The following IQCK variants were observed in gnomAD, a reference collection of about 807,000 sequenced individuals.
IQCK encodes the protein IQ motif containing K, also known as IQ domain-containing protein K.
Under a neutral mutation model 28.1 loss-of-function variants are expected in IQCK, and 29 were observed. The observed-to-expected ratio is 1.03, with a 90% CI of 0.77 to 1.41. The LOEUF is 1.41. Ranked by LOEUF, IQCK falls within the 40% of genes most tolerant of loss-of-function variation. The pLI is 0.00. For synonymous variants in IQCK, 113 were observed against 115.1 expected (o/e 0.98, Z 0.12); for missense variants, 359 against 314.7 (o/e 1.14, Z -1.07).
At chr16:19,856,349 C>T (rs2056561521) in intron 9 of IQCK, 138 bp from the exon 9 acceptor site, 1 of 669,388 alleles carries the variant, frequency 1.5e-6, no homozygotes, top group South Asian at 1.9e-5. Context: ...ATCCATGGGG[C>T]CGGAACCATG....
At chr16:19,740,454 A>G (rs1021427009) in intron 4 of IQCK, among the ~76,000 whole-genome samples, 6 of 152,122 alleles carry the variant, frequency 3.9e-5, no homozygotes, top group African/African-American at 1.4e-4. Context: ...GCCTGGCCAC[A>G]CCATTGTCAG....
intron 6 of IQCK, among the ~76,000 whole-genome samples, chr16:19,785,067 C>T (rs536318059): frequency 6.6e-6 from 1 of 152,174 alleles, no homozygotes; most frequent in Non-Finnish European, 1.5e-5. Flanking sequence ...CACGGCGCCC[C>T]GCCTCAATAA....
At chr16:19,777,920 G>C (rs1252503018) in intron 6 of IQCK, among the ~76,000 whole-genome samples, 1 of 152,140 alleles carries the variant, frequency 6.6e-6, no homozygotes, top group African/African-American at 2.4e-5. Context: ...GGGCGTGGTG[G>C]TGCACACCTG....
chr16:19,718,696 C>T (rs1309950060), intron 1 of IQCK, among the ~76,000 whole-genome samples: 1 of 152,178 alleles, frequency 6.6e-6, no homozygotes, highest in Non-Finnish European at 1.5e-5. Context: ...CAATCGCGAT[C>T]CGTAGTGAGG....
At chr16:19,742,270 A>G (rs1056852104) in intron 4 of IQCK, among the ~76,000 whole-genome samples, 9 of 152,232 alleles carry the variant, frequency 5.9e-5, no homozygotes, top group Admixed American at 3.3e-4. Context: ...TTTGAATGCT[A>G]CAAATACGCA....
chr16:19,825,295 T>C lies in IQCK; in HGVS notation c.691-1731T>C, dbSNP rs1426342574. ...CAGCCCTTTGGGAGGCCAAGGCGGA[T>C]GGTTCACTTGAGGTCAGGAGTTCGA... On this transcript the variant is annotated intron_variant, in intron 7 of 7. Transcript: ENST00000564186. The surrounding 1 kb of genome is among the most constrained non-coding windows in gnomAD (Gnocchi z 4.2). 1.3e-5 allele frequency among the ~76,000 whole-genome samples: 2 copies of C among 151,792 alleles called. No individual in the cohort carries two copies. The highest frequency in any genetic ancestry group is 3.9e-4 in the East Asian group (2 of 5,144).
At chr16:19,774,104 A>G (rs2055355139) in intron 6 of IQCK, among the ~76,000 whole-genome samples, 1 of 152,160 alleles carries the variant, frequency 6.6e-6, no homozygotes, top group South Asian at 2.1e-4. Context: ...AAGTGTAGGA[A>G]TGTTCTAGAA....
chr16:19,811,140 C>T (rs1479823610), intron 7 of IQCK, among the ~76,000 whole-genome samples: 1 of 152,060 alleles, frequency 6.6e-6, no homozygotes, highest in Non-Finnish European at 1.5e-5. Context: ...AAAAATCAGC[C>T]AGGTGTAGTG....
chr16:19,833,476 A>G (rs2056258264), intron 9 of IQCK, among the ~76,000 whole-genome samples: 1 of 152,236 alleles, frequency 6.6e-6, no homozygotes, highest in Non-Finnish European at 1.5e-5. Flanking sequence ...TACGATTATT[A>G]ATGATTTATT....
chr16:19,811,328 T>C (rs956231655), intron 7 of IQCK, among the ~76,000 whole-genome samples: 1 of 152,204 alleles, frequency 6.6e-6, no homozygotes, highest in Non-Finnish European at 1.5e-5. Flanking sequence ...AACTTTGCTG[T>C]AGTTTAACCC....
chr16:19,779,067 C>T (rs1460696504), intron 6 of IQCK, among the ~76,000 whole-genome samples: 3 of 152,128 alleles, frequency 2.0e-5, no homozygotes, highest in Non-Finnish European at 2.9e-5. Context: ...ACTGCAGCCT[C>T]GAACTCCTGC....
intron 7 of IQCK, among the ~76,000 whole-genome samples, chr16:19,798,175 T>C (rs2055712720): frequency 1.7e-5 from 1 of 57,666 alleles, no homozygotes; most frequent in Non-Finnish European, 2.5e-5. Flanking sequence ...CCCAACACTT[T>C]GGGAGGCTGA....
At chr16:19,846,176 C>T (rs2056413634) in intron 9 of IQCK, among the ~76,000 whole-genome samples, 1 of 152,196 alleles carries the variant, frequency 6.6e-6, no homozygotes, top group Admixed American at 6.5e-5. Context: ...GTCTTCCTAT[C>T]CTCCTTTTAT....
chr16:19,769,458 G>A (rs2055288120), intron 6 of IQCK, among the ~76,000 whole-genome samples: 1 of 152,138 alleles, frequency 6.6e-6, no homozygotes, highest in South Asian at 2.1e-4. Context: ...CTTACTAAAT[G>A]GTGAGTAGTG....
At chr16:19,726,736 G>A (rs963746350) in intron 1 of IQCK, among the ~76,000 whole-genome samples, 3 of 152,150 alleles carry the variant, frequency 2.0e-5, no homozygotes, top group Admixed American at 6.6e-5. Context: ...GGTTGGTTCT[G>A]TTCATCCATT....
intron 6 of IQCK, among the ~76,000 whole-genome samples, chr16:19,777,564 C>A (rs2055412386): frequency 6.6e-6 from 1 of 152,106 alleles, no homozygotes; most frequent in South Asian, 2.1e-4. Flanking sequence ...ATCGTCTTTG[C>A]TTTTTATATT....
chr16:19,775,811 C>T (rs1388341565), intron 6 of IQCK, among the ~76,000 whole-genome samples: 2 of 133,958 alleles, frequency 1.5e-5, no homozygotes, highest in Non-Finnish European at 1.5e-5. Context: ...GGCAGGGATA[C>T]GTAAAGGAAC....
intron 1 of IQCK, among the ~76,000 whole-genome samples, chr16:19,719,680 T>C (rs1977419764): frequency 6.8e-6 from 1 of 147,510 alleles, no homozygotes; most frequent in African/African-American, 2.5e-5. Flanking sequence ...ATTTTTTTTT[T>C]TTTTTTTTTT....
chr16:19,772,920 T>A (rs781503854), intron 6 of IQCK, among the ~76,000 whole-genome samples: 44 of 152,088 alleles, frequency 2.9e-4, no homozygotes, highest in Non-Finnish European at 5.0e-4. Context: ...GCAGTATCAC[T>A]TGAGCCCCAG....
Sources: gnomAD v4.1 joint callset for allele counts (sites outside exome capture counted in the v4.1 genomes callset) on GRCh38, gnomAD v4.1.1 for gene constraint, Gnocchi (gnomAD v3.1) non-coding constraint, MANE v1.5 for transcripts, NCBI Gene and HGNC (gene_info 2026-07-23, HGNC 2026-07-21) for gene names.